Variants in KMT5B observed in about 807,000 individuals in gnomAD.
KMT5B encodes the protein histone-lysine N-methyltransferase KMT5B.
A neutral mutation model predicts 83.2 loss-of-function variants in KMT5B; 10 were observed. The ratio of observed to expected loss-of-function variants is 0.12; its 90% confidence interval spans 0.07 to 0.20. The LOEUF is 0.20. KMT5B is among the 10% of genes least tolerant of loss of function. The pLI, the probability that KMT5B is intolerant of heterozygous loss-of-function variation, is 1.00. For synonymous variants in KMT5B, 349 were observed against 388.8 expected (o/e 0.90, Z 1.20); for missense variants, 753 against 1,067.2 (o/e 0.71, Z 4.10).
intron 9 of KMT5B, among the ~76,000 whole-genome samples, chr11:68,170,149 A>G (rs1304447847): frequency 6.6e-6 from 1 of 152,218 alleles, no homozygotes; most frequent in Non-Finnish European, 1.5e-5. Flanking sequence ...AGTGACACTA[A>G]TAACTCTGAT....
chr11:68,159,400 C>T (rs570728263), intron 10 of KMT5B, among the ~76,000 whole-genome samples: 18 of 152,116 alleles, frequency 1.2e-4, no homozygotes, highest in Middle Eastern at 3.2e-3. Context: ...AGTAGTTGCA[C>T]GGTTAAGGAG....
At chr11:68,174,270 T>C (rs890669838) in intron 5 of KMT5B, 1 of 346,092 alleles carries the variant, frequency 2.9e-6, no homozygotes, top group African/African-American at 2.2e-5. Context: ...ACTTTATTGT[T>C]ACTCAAGAGT....
chr11:68,164,456 GAC>G (rs1855132993), intron 10 of KMT5B, among the ~76,000 whole-genome samples: 1 of 152,200 alleles, frequency 6.6e-6, no homozygotes, highest in African/African-American at 2.4e-5. Context: ...CTTTCTTTCA[GAC>G]AGGTGGAGGG....
chr11:68,212,758 C>G (rs548601284), intron 1 of KMT5B: 14 of 152,364 alleles, frequency 9.2e-5, no homozygotes, highest in African/African-American at 2.4e-4. Context: ...ACAAAAAGTT[C>G]AGCGCGGCAG....
chr11:68,168,186 A>G (rs1264191519), intron 9 of KMT5B, among the ~76,000 whole-genome samples: 2 of 152,196 alleles, frequency 1.3e-5, no homozygotes, highest in Non-Finnish European at 2.9e-5. Flanking sequence ...TGCCAAAGTG[A>G]TGAGTGAAAA....
At chr11:68,201,405 C>T (rs1007537698) in intron 1 of KMT5B, among the ~76,000 whole-genome samples, 1 of 152,146 alleles carries the variant, frequency 6.6e-6, no homozygotes, top group Non-Finnish European at 1.5e-5. Context: ...TGTTCTATGC[C>T]AGTGATGGCC....
intron 1 of KMT5B, among the ~76,000 whole-genome samples, chr11:68,194,184 A>T (rs952764283): frequency 6.7e-6 from 1 of 149,306 alleles, no homozygotes; most frequent in Admixed American, 6.7e-5. Context: ...AGCATCAAGT[A>T]CCAAGTTTTT....
At chr11:68,185,365 T>A (rs1031050073) in intron 3 of KMT5B, among the ~76,000 whole-genome samples, 18 of 152,296 alleles carry the variant, frequency 1.2e-4, no homozygotes, top group African/African-American at 4.3e-4. Context: ...GCCACCTGCC[T>A]GGCTAATTTT....
intron 1 of KMT5B, among the ~76,000 whole-genome samples, chr11:68,202,328 G>A (rs993825123): frequency 3.9e-5 from 6 of 152,094 alleles, no homozygotes; most frequent in African/African-American, 1.2e-4. Flanking sequence ...CAAAGGAAAG[G>A]GAAACAGCTT....
chr11:68,186,305 A>G (rs10896300), intron 2 of KMT5B, among the ~76,000 whole-genome samples: 99,179 of 151,962 alleles, frequency 0.65, 32,846 homozygotes, highest in East Asian at 0.89. Context: ...ATAGGACTCG[A>G]CTGAAAAGGA....
rs1859295090 is a variant in KMT5B, at chr11:68,156,368, A to C, written c.*1320T>G. ...GGTATTGAACATAAAGTAGTAATAA[A>C]AATTTGCTCATTAAGTTAATTAAAA... On this transcript the variant is annotated 3_prime_UTR_variant, in exon 11 of 11. Transcript: ENST00000304363. 6.6e-6 allele frequency: 1 copy of C among 152,622 alleles called. No individual in the cohort carries two copies. Among genetic ancestry groups the C allele is most frequent in the African/African-American group, 2.4e-5 (1 of 41,448 alleles). The allele number at this position is 152,622 out of a possible 1,614,324, so 9.5% of individuals were successfully genotyped here. A position where few individuals can be genotyped will look rare whatever the true frequency, so the allele number is the denominator to read the frequency against.
intron 1 of KMT5B, among the ~76,000 whole-genome samples, chr11:68,192,359 G>C (rs898446742): frequency 4.6e-5 from 7 of 152,178 alleles, no homozygotes; most frequent in African/African-American, 1.7e-4. Flanking sequence ...TGCCTGCTCA[G>C]GAATACAGTG....
At chr11:68,211,813 G>A (rs796734555) in intron 1 of KMT5B, among the ~76,000 whole-genome samples, 1 of 152,280 alleles carries the variant, frequency 6.6e-6, no homozygotes, top group South Asian at 2.1e-4. Context: ...CTTGGGAGAG[G>A]GACCAGAATG....
At chr11:68,181,444 T>G (rs1224391240) in intron 3 of KMT5B, among the ~76,000 whole-genome samples, 1 of 152,050 alleles carries the variant, frequency 6.6e-6, no homozygotes, top group Non-Finnish European at 1.5e-5. Flanking sequence ...GAAAAGAGTA[T>G]AAAAAAGAGA....
chr11:68,207,959 C>T (rs1860371433), intron 1 of KMT5B, among the ~76,000 whole-genome samples: 1 of 150,564 alleles, frequency 6.6e-6, no homozygotes, highest in Non-Finnish European at 1.5e-5. Context: ...CTGTCTCAGC[C>T]TCCCGAGTAG....
intron 2 of KMT5B, among the ~76,000 whole-genome samples, chr11:68,186,456 G>A (rs1420354192): frequency 6.6e-6 from 1 of 152,196 alleles, no homozygotes; most frequent in Non-Finnish European, 1.5e-5. Flanking sequence ...CTGAGGCCCA[G>A]ACAAAAAGAA....
At chr11:68,193,259 G>A (rs1461560951) in intron 1 of KMT5B, among the ~76,000 whole-genome samples, 1 of 152,200 alleles carries the variant, frequency 6.6e-6, no homozygotes, top group African/African-American at 2.4e-5. Flanking sequence ...CAGCACTGCT[G>A]CCCAACAAAT....
In KMT5B at chr11:68,167,309, C is replaced by T. The variant is rs73509338; in HGVS notation, c.978-131G>A. 5,310 of 1,041,068 alleles carry T rather than the reference C, an allele frequency of 5.1e-3. 187 individuals carry two copies. In the African/African-American group the frequency reaches 0.072, roughly 14 times the overall value. 64.5% of individuals were successfully genotyped at this position (1,041,068 alleles called of 1,614,324 possible). The stretch of plus-strand genomic sequence containing the variant: ...TGAGGCCTTAATCACCACTGGAAAC[C>T]GAAGACTAGAACTCACAAAGGAAAT... On this transcript the variant is annotated intron_variant, in intron 9 of 10. Coordinates refer to ENST00000304363, the MANE Select transcript of KMT5B (RefSeq NM_017635.5).
chr11:68,171,171 G>C lies in KMT5B; in HGVS notation c.841-20C>G, dbSNP rs1450220116. On this transcript the variant is annotated intron_variant, in intron 8 of 10. Transcript: ENST00000304363. The surrounding 1 kb of genome is among the most constrained non-coding windows in gnomAD (Gnocchi z 5.1). ...CACAAACTAAAATAAAAGTAACTCA[G>C]TAAGAAACTCACACCTGAAGCAAAA... 1 of 1,609,240 alleles carries C rather than the reference G, an allele frequency of 6.2e-7. No individual in the cohort carries two copies. The highest frequency in any genetic ancestry group is 1.1e-5 in the South Asian group (1 of 89,540).
Sources: allele counts gnomAD v4.1 joint callset (sites outside exome capture counted in the v4.1 genomes callset), GRCh38; gene constraint gnomAD v4.1.1; non-coding constraint Gnocchi (gnomAD v3.1); transcripts MANE v1.5; gene names NCBI Gene and HGNC (gene_info 2026-07-23, HGNC 2026-07-21).